UBA2: variants seen among roughly 807,000 people sequenced by gnomAD.
UBA2 encodes the protein ubiquitin like modifier activating enzyme 2.
In UBA2, 11 loss-of-function variants were observed where a neutral mutation model predicts 77.2. The ratio of observed to expected loss-of-function variants is 0.14; its 90% CI spans 0.09 to 0.24. The LOEUF (loss-of-function observed/expected upper bound fraction) is 0.24, where lower values mean the gene tolerates loss of function less well. Ranked by LOEUF, UBA2 falls within the 10% of genes least tolerant of loss-of-function variation. The pLI, the probability that UBA2 is intolerant of heterozygous loss-of-function variation, is 1.00. For missense variants in UBA2, 487 were observed against 781.7 expected, an observed-to-expected ratio of 0.62 and a Z score of 4.50; for synonymous variants, 278 against 276.7, an observed-to-expected ratio of 1.00 and a Z score of -0.05.
chr19:34,443,497 A>G (rs1049749046), intron 6 of UBA2, among the ~76,000 whole-genome samples: 1 of 142,038 alleles, frequency 7.0e-6, no homozygotes, highest in East Asian at 2.0e-4. Context: ...GCCGGAGTGC[A>G]GTTGTGCAGT....
At chr19:34,436,385 C>T (rs750861992) in intron 5 of UBA2, among the ~76,000 whole-genome samples, 6 of 152,036 alleles carry the variant, frequency 3.9e-5, no homozygotes, top group Admixed American at 6.6e-5. Flanking sequence ...CCGCAACCTC[C>T]GTCTCCCTGG....
chr19:34,436,505 G>A (rs2075310471), intron 5 of UBA2, among the ~76,000 whole-genome samples: 1 of 152,060 alleles, frequency 6.6e-6, no homozygotes, highest in Non-Finnish European at 1.5e-5. Flanking sequence ...CTCTATGTTG[G>A]TCAGGCTGGT....
At position 34,469,892 on chromosome 19, in the gene UBA2, C is replaced by G. The variant is rs902627811; in HGVS notation, c.*671C>G. On this transcript the variant is annotated 3_prime_UTR_variant, in exon 17 of 17. Coordinates refer to ENST00000246548, the MANE Select transcript of UBA2 (RefSeq NM_005499.3). ...ATAAATGGCATCTGCATTCTTGTTACACATGCCTGCACAGTTCCTGTTTCT... is the reference window on the plus strand; with the variant it reads ...ATAAATGGCATCTGCATTCTTGTTAGACATGCCTGCACAGTTCCTGTTTCT... The G allele has an allele frequency of 2.6e-5, 4 of 152,536 alleles. No individual in the cohort carries two copies. The highest frequency in any genetic ancestry group is 9.7e-5 in the African/African-American group (4 of 41,408). The allele number at this position is 152,536 out of a possible 1,614,324, so 9.4% of individuals were successfully genotyped here.
intron 2 of UBA2, among the ~76,000 whole-genome samples, chr19:34,430,866 T>G (rs1008137164): frequency 6.6e-6 from 1 of 152,194 alleles, no homozygotes; most frequent in African/African-American, 2.4e-5. Context: ...CCCGTGATGG[T>G]GTAACTTTCA....
At position 34,438,645 on chromosome 19, in the gene UBA2, G is replaced by C; in HGVS notation, c.460G>C (p.Gly154Arg). The change falls in exon 6 of 17, where the codon GGT (glycine) becomes CGT (arginine). Residue 154 changes from glycine to arginine, a missense_variant and splice_region_variant. By Grantham distance (125) the Gly-to-Arg change is moderately radical (BLOSUM62 -2). Around this residue, in one of 9 missense-constraint regions of UBA2, gnomAD observed 66 missense variants for 112.0 expected, o/e 0.59. Coordinates refer to ENST00000246548, the MANE Select transcript of UBA2 (RefSeq NM_005499.3). ...TTTTTCTCATATCCTGACTTCATAG[G>C]GTGTGACCGAGTGTTATGAGTGTCA... The part of the protein sequence containing the change: ...YLGQVTTIKK[G>R]VTECYECHPK... The C allele has an allele frequency of 6.2e-7, 1 of 1,613,886 alleles. No homozygotes were observed. Among genetic ancestry groups the C allele is most frequent in the East Asian group, 2.2e-5 (1 of 44,868 alleles).
At chr19:34,451,365 C>G (rs1376848193) in intron 9 of UBA2, among the ~76,000 whole-genome samples, 1 of 151,948 alleles carries the variant, frequency 6.6e-6, no homozygotes, top group Non-Finnish European at 1.5e-5. Context: ...GGATAGTTAT[C>G]AAACAGATTT....
chr19:34,435,151 A>G (rs2075295108), intron 5 of UBA2, among the ~76,000 whole-genome samples, 183 bp downstream of exon 5: 1 of 152,198 alleles, frequency 6.6e-6, no homozygotes, highest in Admixed American at 6.5e-5. Flanking sequence ...TAATCCCAGC[A>G]CTTCGGGAGG....
At position 34,469,060 on chromosome 19, in the gene UBA2, C is replaced by G; in HGVS notation, c.1762C>G (p.Leu588Val). 6.2e-7 allele frequency: 1 copy of G among 1,607,104 alleles called. No homozygotes were observed. Among genetic ancestry groups the G allele is most frequent in the Non-Finnish European group, 8.5e-7 (1 of 1,178,048 alleles). ...ATAAGCTCAAGAGCAAGATGACGTT[C>G]TCATAGTTGATTCAGATGAAGAAGA... ...TSTAQEQDDV[L>V]IVDSDEEDSS... Residue 588 changes from leucine to valine, a missense_variant, in exon 17 of 17, where the codon CTC becomes GTC. Leu to Val is a conservative substitution (Grantham distance 32, BLOSUM62 1). Transcript: ENST00000246548.
chr19:34,448,436 G>GA lies in UBA2; in HGVS notation c.772-1820dup, dbSNP rs1163587746. On this transcript the variant is annotated intron_variant, in intron 8 of 16. Transcript: ENST00000246548. ...ATAGCAAGACCCCATCTCTAAAAACGAAAAAAAAATAGCCAGCCATGGTGG... is the reference window on the plus strand; with the variant it reads ...ATAGCAAGACCCCATCTCTAAAAACGAAAAAAAAAATAGCCAGCCATGGTGG... Among the ~76,000 whole-genome samples the GA allele has an allele frequency of 9.9e-4, 148 of 148,904 alleles. 2 individuals are homozygous for GA. Among genetic ancestry groups the GA allele is most frequent in the Admixed American group, 3.5e-3 (52 of 14,936 alleles).
intron 6 of UBA2, among the ~76,000 whole-genome samples, chr19:34,442,682 C>T (rs1295869293): frequency 1.3e-5 from 2 of 152,196 alleles, no homozygotes; most frequent in African/African-American, 2.4e-5. Flanking sequence ...CCACCCGCCT[C>T]GGCCTCCCAA....
chr19:34,454,708 T>G, intron 12 of UBA2, 152 bp downstream of exon 12: 1 of 476,166 alleles, frequency 2.1e-6, no homozygotes, highest in Non-Finnish European at 3.6e-6. Context: ...GAGTGTGTGT[T>G]TAAGCTTCCT....
chr19:34,467,136 A>G (rs950284685), intron 16 of UBA2, 122 bp downstream of exon 16: 96 of 1,218,300 alleles, frequency 7.9e-5, no homozygotes, highest in Non-Finnish European at 1.0e-4. Context: ...TTGGTTTGGT[A>G]TTGATTGTTG....
Position 34,469,262 on chromosome 19 carries a change from T to C in UBA2, c.*41T>C. 6.7e-7 allele frequency: 1 copy of C among 1,489,888 alleles called. No individual in the cohort carries two copies. Among genetic ancestry groups the C allele is most frequent in the Non-Finnish European group, 8.9e-7 (1 of 1,124,720 alleles). 92.3% of individuals were successfully genotyped at this position (1,489,888 alleles called of 1,614,324 possible). A position where few individuals can be genotyped will look rare whatever the true frequency, so the allele number is the denominator to read the frequency against. On this transcript the variant is annotated 3_prime_UTR_variant, in exon 17 of 17. Coordinates refer to ENST00000246548, the MANE Select transcript of UBA2 (RefSeq NM_005499.3). ...AACAGAACCCTCTTACTATTTAGTT[T>C]ATCTGGGCAGAACCAGATTGTTATG...
intron 9 of UBA2, among the ~76,000 whole-genome samples, chr19:34,450,930 G>C (rs1048247464): frequency 6.6e-6 from 1 of 151,576 alleles, no homozygotes; most frequent in East Asian, 1.9e-4. Flanking sequence ...TTGTACCCTT[G>C]TGATTATCTC....
chr19:34,444,699 T>G (rs1020951763), intron 7 of UBA2, among the ~76,000 whole-genome samples: 1 of 152,156 alleles, frequency 6.6e-6, no homozygotes, highest in Non-Finnish European at 1.5e-5. Flanking sequence ...CCCAACTACT[T>G]GTGAGGTTGA....
At chr19:34,463,096 CAA>C (rs1029404956) in intron 14 of UBA2, among the ~76,000 whole-genome samples, 20 of 120,742 alleles carry the variant, frequency 1.7e-4, no homozygotes, top group African/African-American at 1.5e-4. Flanking sequence ...GACTCTGTCT[CAA>C]AAAAAAAAAA....
chr19:34,458,140 A>G (rs937960854), intron 12 of UBA2, among the ~76,000 whole-genome samples: 2 of 152,228 alleles, frequency 1.3e-5, no homozygotes, highest in African/African-American at 4.8e-5. Context: ...ATGGCACCAC[A>G]GATTAACATG....
intron 6 of UBA2, among the ~76,000 whole-genome samples, chr19:34,440,168 A>G (rs1421535924): frequency 6.6e-6 from 1 of 152,076 alleles, no homozygotes; most frequent in African/African-American, 2.4e-5. Context: ...TACTATAAAT[A>G]CAAAAATTAA....
intron 14 of UBA2, among the ~76,000 whole-genome samples, chr19:34,463,362 G>A (rs1485962199): frequency 6.6e-6 from 1 of 152,088 alleles, no homozygotes; most frequent in African/African-American, 2.4e-5. Flanking sequence ...GGGTACTAGG[G>A]CCTCCATAAC....
Sources: allele counts gnomAD v4.1 joint callset (sites outside exome capture counted in the v4.1 genomes callset), GRCh38; gene constraint gnomAD v4.1.1; regional missense constraint gnomAD v4.1.1; transcripts MANE v1.5; gene names NCBI Gene and HGNC (gene_info 2026-07-23, HGNC 2026-07-21).